Variants in PDE4D observed in about 807,000 individuals in gnomAD.
The protein encoded by PDE4D is 3',5'-cyclic-AMP phosphodiesterase 4D.
PDE4D carries 24 observed loss-of-function variants against 87.4 expected under a neutral mutation model. That is an observed-to-expected ratio of 0.27 (90% confidence interval 0.20 to 0.39). The LOEUF (loss-of-function observed/expected upper bound fraction) is 0.39, where lower values mean the gene tolerates loss of function less well. Ranked by LOEUF, PDE4D falls within the 10% of genes least tolerant of loss-of-function variation. The pLI, the probability that PDE4D is intolerant of heterozygous loss-of-function variation, is 1.00. For synonymous variants in PDE4D, 384 were observed against 383.2 expected (o/e 1.00, Z -0.02); for missense variants, 714 against 1,041.0 (o/e 0.69, Z 4.32).
intron 3 of PDE4D, among the ~76,000 whole-genome samples, chr5:59,189,096 T>C (rs1031431857): frequency 1.3e-5 from 2 of 152,126 alleles, no homozygotes; most frequent in Admixed American, 6.5e-5. Context: ...AATATGAGAA[T>C]ATTGGTTATA....
At chr5:59,370,946 G>A (rs757335846) in intron 1 of PDE4D, among the ~76,000 whole-genome samples, 4 of 152,170 alleles carry the variant, frequency 2.6e-5, no homozygotes, top group Non-Finnish European at 5.9e-5. Flanking sequence ...AGACCTGTAA[G>A]CTTGTCCAAC....
intron 1 of PDE4D, among the ~76,000 whole-genome samples, chr5:60,325,399 G>A (rs1756691088): frequency 6.6e-6 from 1 of 152,076 alleles, no homozygotes; most frequent in Non-Finnish European, 1.5e-5. Context: ...TGATCTAATG[G>A]TCCCCTGAAA....
At position 58,976,334 on chromosome 5, in the gene PDE4D, TCA is replaced by T; in HGVS notation, c.1830+14_1830+15del. On this transcript the variant is annotated intron_variant, in intron 13 of 14. Coordinates refer to ENST00000340635, the MANE Select transcript of PDE4D (RefSeq NM_001104631.2). ...ACAGACACACACACACAGAGCAAAC[TCA>T]AACAAGGCTTTACCTGAATCCTATC... is the stretch of plus-strand genomic sequence containing the variant. The T allele has an allele frequency of 6.2e-7, 1 of 1,611,306 alleles. No homozygotes were observed. The highest frequency in any genetic ancestry group is 8.5e-7 in the Non-Finnish European group (1 of 1,178,846).
At chr5:59,875,622 T>C (rs1473392853) in intron 1 of PDE4D, among the ~76,000 whole-genome samples, 1 of 152,066 alleles carries the variant, frequency 6.6e-6, no homozygotes, top group African/African-American at 2.4e-5. Context: ...TTTTCCCCAC[T>C]GGCATCCCTT....
At chr5:60,407,444 C>CTTTTTTT (rs70975385) in intron 1 of PDE4D, among the ~76,000 whole-genome samples, 5 of 80,096 alleles carry the variant, frequency 6.2e-5, no homozygotes, top group African/African-American at 5.8e-5. Flanking sequence ...TTTCTTTTTC[C>CTTTTTTT]TTTTTTTTTT....
intron 3 of PDE4D, among the ~76,000 whole-genome samples, chr5:59,901,747 G>C (rs986947108): frequency 6.6e-6 from 1 of 152,066 alleles, no homozygotes; most frequent in Admixed American, 6.6e-5. Flanking sequence ...CACTAGGTCA[G>C]CAAAAAGTAA....
At chr5:59,399,643 A>C (rs1351917531) in intron 1 of PDE4D, among the ~76,000 whole-genome samples, 2 of 134,202 alleles carry the variant, frequency 1.5e-5, no homozygotes, top group Non-Finnish European at 3.4e-5. Flanking sequence ...AAGAAAACCT[A>C]GGCATTACCA....
intron 3 of PDE4D, among the ~76,000 whole-genome samples, chr5:59,914,202 C>T (rs570511300): frequency 3.9e-4 from 59 of 152,214 alleles, no homozygotes; most frequent in Non-Finnish European, 6.9e-4. Flanking sequence ...CCCTGTCATC[C>T]TTAAAGTAGA....
chr5:59,732,394 TCACACACACACACACACACACA>T (rs71604799), intron 1 of PDE4D, among the ~76,000 whole-genome samples: 2 of 146,128 alleles, frequency 1.4e-5, no homozygotes, highest in African/African-American at 5.1e-5. Context: ...CAGGAGACAT[TCACACACACACACACACACACA>T]CACACACACA....
intron 1 of PDE4D, among the ~76,000 whole-genome samples, chr5:59,616,931 A>ATATATATATATATATG (rs1829762859): frequency 8.0e-6 from 1 of 125,704 alleles, no homozygotes; most frequent in Admixed American, 7.9e-5. Context: ...ATATATATAT[A>ATATATATATATATATG]TATATATATA....
At chr5:59,028,183 C>CTA (rs1170666593) in intron 6 of PDE4D, among the ~76,000 whole-genome samples, 7 of 151,792 alleles carry the variant, frequency 4.6e-5, no homozygotes, top group Non-Finnish European at 1.0e-4. Context: ...GCTTGATGAG[C>CTA]TATACTGTAA....
At position 60,352,309 on chromosome 5, in the gene PDE4D, C is replaced by G. The variant is rs907636342; in HGVS notation, c.-90+135633G>C. Among the ~76,000 whole-genome samples, 8 of 152,292 alleles carry G rather than the reference C, an allele frequency of 5.3e-5. No individual in the cohort carries two copies. In the South Asian group the frequency reaches 1.7e-3, roughly 32 times the overall value. On this transcript the variant is annotated intron_variant, in intron 1 of 16. Transcript: ENST00000502484. ...ACTGGACAGTTTGCATTTCTCTCTT[C>G]TCTCTGGAGACTGACTAGGATGCAC...
rs919104580 is a variant in PDE4D at position 59,810,155 on chromosome 5, T to G, written c.455+83013A>C. ...TCAGCGGCCAGCAGATGGCGCACAC[T>G]TCTCAGAAACATCAAAACGTGGCGT... On this transcript the variant is annotated intron_variant, in intron 1 of 14. Transcript: ENST00000340635. Among the ~76,000 whole-genome samples, 14 of 152,318 alleles carry G rather than the reference T, an allele frequency of 9.2e-5. No individual in the cohort carries two copies. In the East Asian group the frequency reaches 2.5e-3, roughly 27 times the overall value.
intron 1 of PDE4D, among the ~76,000 whole-genome samples, chr5:59,634,606 G>T (rs1193032750): frequency 6.6e-6 from 1 of 152,134 alleles, no homozygotes; most frequent in Non-Finnish European, 1.5e-5. Flanking sequence ...CAACTACATG[G>T]AAAATCAAAA....
At chr5:59,198,880 A>C (rs1355282378) in intron 2 of PDE4D, among the ~76,000 whole-genome samples, 1 of 152,194 alleles carries the variant, frequency 6.6e-6, no homozygotes, top group Non-Finnish European at 1.5e-5. Flanking sequence ...TGAGATCCAT[A>C]TATGGTTCAA....
chr5:59,595,723 T>A (rs758844961), intron 1 of PDE4D, among the ~76,000 whole-genome samples: 1 of 152,160 alleles, frequency 6.6e-6, no homozygotes, highest in Non-Finnish European at 1.5e-5. Flanking sequence ...GTAGATGATC[T>A]CAAGAGGGTA....
At chr5:59,216,860 T>C (rs1181161246) in intron 1 of PDE4D, 2 of 177,028 alleles carry the variant, frequency 1.1e-5, no homozygotes, top group Non-Finnish European at 2.4e-5. Context: ...TGAAAGGCCC[T>C]TTCTCTACGC....
chr5:59,235,030 T>C (rs1425875687), intron 1 of PDE4D, among the ~76,000 whole-genome samples: 1 of 152,190 alleles, frequency 6.6e-6, no homozygotes, highest in African/African-American at 2.4e-5. Flanking sequence ...TTAAGTTAAA[T>C]TTGACAAGAG....
At chr5:58,999,543 T>C in intron 6 of PDE4D, 2 of 1,469,982 alleles carry the variant, frequency 1.4e-6, no homozygotes, top group African/African-American at 1.7e-5. Flanking sequence ...GCATTTTTGA[T>C]TGATTATATG....
Sources: gnomAD v4.1 joint callset for allele counts (sites outside exome capture counted in the v4.1 genomes callset) on GRCh38, gnomAD v4.1.1 for gene constraint, MANE v1.5 for transcripts, NCBI Gene and HGNC (gene_info 2026-07-23, HGNC 2026-07-21) for gene names.